RALGPS1: variants seen among roughly 807,000 people sequenced by gnomAD.
The protein encoded by RALGPS1 is ras-specific guanine nucleotide-releasing factor RalGPS1.
In RALGPS1, 19 loss-of-function variants were observed where a neutral mutation model predicts 78.8. The ratio of observed to expected loss-of-function variants is 0.24; its 90% CI spans 0.17 to 0.35. RALGPS1 has a LOEUF of 0.35. Among genes scored for constraint, RALGPS1 ranks in the 10% least tolerant of loss-of-function variants. The pLI, the probability that RALGPS1 is intolerant of heterozygous loss-of-function variation, is 1.00. For missense variants in RALGPS1, 454 were observed against 688.3 expected, an observed-to-expected ratio of 0.66 and a Z score of 3.81; for synonymous variants, 228 against 256.3, an observed-to-expected ratio of 0.89 and a Z score of 1.06.
intron 1 of RALGPS1, among the ~76,000 whole-genome samples, chr9:126,928,279 A>G (rs1246845503): frequency 6.6e-6 from 1 of 152,156 alleles, no homozygotes; most frequent in African/African-American, 2.4e-5. Context: ...ACAGCTGAGG[A>G]GTAGTGAGAA....
At chr9:127,128,497 GA>G (rs1243919242) in intron 8 of RALGPS1, among the ~76,000 whole-genome samples, 3 of 152,224 alleles carry the variant, frequency 2.0e-5, no homozygotes. Context: ...AGGCCCCAGT[GA>G]GGTTGGCCTG....
intron 8 of RALGPS1, among the ~76,000 whole-genome samples, chr9:127,163,570 C>G (rs377732972): frequency 1.2e-4 from 18 of 152,338 alleles, no homozygotes; most frequent in African/African-American, 4.3e-4. Context: ...ATTTTAAAAG[C>G]AGACGAATGA....
At chr9:127,161,603 G>A (rs771749095) in intron 8 of RALGPS1, among the ~76,000 whole-genome samples, 1 of 152,200 alleles carries the variant, frequency 6.6e-6, no homozygotes. Context: ...CATGAGGGAG[G>A]TGGAGAGTAG....
At chr9:127,185,492 C>A (rs957857263) in intron 11 of RALGPS1, among the ~76,000 whole-genome samples, 2 of 152,232 alleles carry the variant, frequency 1.3e-5, no homozygotes. Flanking sequence ...CTTCCCTTGT[C>A]AGGTTCTACA....
At chr9:127,126,987 G>T (rs1165480185) in intron 8 of RALGPS1, among the ~76,000 whole-genome samples, 1 of 152,192 alleles carries the variant, frequency 6.6e-6, no homozygotes, top group African/African-American at 2.4e-5. Flanking sequence ...AGAATGTTGG[G>T]TTGTGTTCTA....
At chr9:127,113,214 C>G (rs2055030555) in intron 8 of RALGPS1, among the ~76,000 whole-genome samples, 1 of 152,160 alleles carries the variant, frequency 6.6e-6, no homozygotes, top group Non-Finnish European at 1.5e-5. Context: ...GACATTGCAA[C>G]CCAAACAGGC....
intron 8 of RALGPS1, chr9:127,108,457 AGCAGCTCTAGCTCCT>A (rs749676941): frequency 1.9e-5 from 31 of 1,610,888 alleles, no homozygotes; most frequent in Non-Finnish European, 5.1e-6. Context: ...CTCATTGTTG[AGCAGCTCTAGCTCCT>A]GCTTATGCAC....
intron 8 of RALGPS1, among the ~76,000 whole-genome samples, chr9:127,109,221 C>G (rs542175893): frequency 2.0e-5 from 3 of 152,330 alleles, no homozygotes; most frequent in South Asian, 4.1e-4. Flanking sequence ...TTTCACACCC[C>G]CTGAACTTTC....
intron 4 of RALGPS1, among the ~76,000 whole-genome samples, chr9:127,033,350 T>A (rs745891507): frequency 3.3e-5 from 5 of 152,162 alleles, no homozygotes; most frequent in Non-Finnish European, 7.4e-5. Context: ...CTAAGGTCTG[T>A]TTGACAGGCG....
chr9:127,161,937 G>T (rs2059043346), intron 8 of RALGPS1, among the ~76,000 whole-genome samples: 1 of 152,136 alleles, frequency 6.6e-6, no homozygotes, highest in African/African-American at 2.4e-5. Flanking sequence ...CCTGACAACA[G>T]CATTTTTCTT....
intron 1 of RALGPS1, among the ~76,000 whole-genome samples, chr9:126,931,221 C>T (rs138318719): frequency 2.0e-5 from 3 of 152,254 alleles, no homozygotes; most frequent in African/African-American, 7.2e-5. Flanking sequence ...CTTGGTCTTA[C>T]GGCCACAACT....
intron 8 of RALGPS1, among the ~76,000 whole-genome samples, chr9:127,126,918 A>G (rs1020444156): frequency 2.0e-5 from 3 of 152,118 alleles, no homozygotes; most frequent in Non-Finnish European, 4.4e-5. Flanking sequence ...TTTTTATTGT[A>G]TACTGGACAT....
intron 8 of RALGPS1, among the ~76,000 whole-genome samples, chr9:127,152,534 C>G (rs1364511248): frequency 6.6e-6 from 1 of 152,200 alleles, no homozygotes; most frequent in African/African-American, 2.4e-5. Context: ...CCCAAATTTT[C>G]TGGTTTCCAT....
At chr9:127,172,457 T>A (rs148265118) in intron 10 of RALGPS1, among the ~76,000 whole-genome samples, 1 of 152,378 alleles carries the variant, frequency 6.6e-6, no homozygotes, top group Non-Finnish European at 1.5e-5. Context: ...GGTGTCGTCA[T>A]CTTTCTTCAT....
intron 8 of RALGPS1, among the ~76,000 whole-genome samples, chr9:127,106,189 T>C (rs1318448201): frequency 6.6e-6 from 1 of 152,184 alleles, no homozygotes; most frequent in Non-Finnish European, 1.5e-5. Context: ...TGAGTAACCA[T>C]TGAGTCCAGC....
intron 1 of RALGPS1, among the ~76,000 whole-genome samples, chr9:126,956,960 C>T (rs914573530): frequency 2.0e-5 from 3 of 152,196 alleles, no homozygotes; most frequent in Admixed American, 6.5e-5. Flanking sequence ...AGAGCCCAGG[C>T]CTTGGCATTG....
chr9:127,034,928 C>A (rs573075631), intron 5 of RALGPS1, among the ~76,000 whole-genome samples: 3 of 152,258 alleles, frequency 2.0e-5, no homozygotes, highest in Admixed American at 2.0e-4. Flanking sequence ...AGCCCAGAAT[C>A]CTTCCTCCCT....
chr9:126,990,067 G>A lies in RALGPS1; in HGVS notation c.216+12322G>A, dbSNP rs577988208. 6.3e-5 allele frequency: 96 copies of A among 1,532,522 alleles called. No individual in the cohort carries two copies. The East Asian group carries it at 1.8e-3, about 29-fold the overall frequency. 94.9% of individuals were successfully genotyped at this position (1,532,522 alleles called of 1,614,324 possible). A position where few individuals can be genotyped will look rare whatever the true frequency, so the allele number is the denominator to read the frequency against. On this transcript the variant is annotated intron_variant, in intron 4 of 18. Coordinates refer to ENST00000259351, the MANE Select transcript of RALGPS1 (RefSeq NM_014636.3). ...GAAGAAGCGGGCGTTCCAGAAAGCC[G>A]AGGTCAATGTTGGACGTCGGACAAA...
intron 4 of RALGPS1, among the ~76,000 whole-genome samples, chr9:127,014,313 G>A (rs1009405855): frequency 2.0e-5 from 3 of 152,186 alleles, no homozygotes; most frequent in African/African-American, 7.2e-5. Flanking sequence ...TTTAGGAAAG[G>A]GAACTTTTCC....
Sources: gnomAD v4.1 joint callset for allele counts (sites outside exome capture counted in the v4.1 genomes callset) on GRCh38, gnomAD v4.1.1 for gene constraint, MANE v1.5 for transcripts, NCBI Gene and HGNC (gene_info 2026-07-23, HGNC 2026-07-21) for gene names.